PTPRD: variants seen among roughly 807,000 people sequenced by gnomAD.
PTPRD encodes the protein receptor-type tyrosine-protein phosphatase delta.
Under a neutral mutation model 214.5 loss-of-function variants are expected in PTPRD, and 34 were observed. The observed-to-expected ratio is 0.16, with a 90% CI of 0.12 to 0.21. The LOEUF (loss-of-function observed/expected upper bound fraction) is 0.21, where lower values mean the gene tolerates loss of function less well. PTPRD is among the 10% of genes least tolerant of loss of function. The probability of loss-of-function intolerance (pLI) is 1.00; values close to 1 mark genes in which losing one functional copy is unlikely to be tolerated. For missense variants in PTPRD, 2,545 were observed against 2,398.7 expected (o/e 1.06, Z -1.27); for synonymous variants, 1,128 against 845.7 (o/e 1.33, Z -5.79).
chr9:10,572,392 G>C (rs2067739038), intron 2 of PTPRD, among the ~76,000 whole-genome samples: 1 of 152,150 alleles, frequency 6.6e-6, no homozygotes, highest in Non-Finnish European at 1.5e-5. Context: ...GTATTGTTAA[G>C]TCATTGACCA....
intron 11 of PTPRD, among the ~76,000 whole-genome samples, chr9:8,972,730 T>A (rs2099246028): frequency 6.6e-6 from 1 of 152,016 alleles, no homozygotes; most frequent in South Asian, 2.1e-4. Flanking sequence ...TTCCTAGTGA[T>A]GCTTATAACC....
chr9:9,968,364 CAT>C (rs1382951589), intron 4 of PTPRD, among the ~76,000 whole-genome samples: 2 of 152,126 alleles, frequency 1.3e-5, no homozygotes, highest in Non-Finnish European at 2.9e-5. Flanking sequence ...TATTAAGAAA[CAT>C]ATTTTAAGAT....
intron 9 of PTPRD, among the ~76,000 whole-genome samples, chr9:9,239,366 T>C (rs1457153716): frequency 3.3e-5 from 5 of 152,168 alleles, no homozygotes; most frequent in Admixed American, 3.3e-4. Flanking sequence ...TCAAATATAA[T>C]ACAAACATTT....
chr9:10,268,898 A>T (rs1310359501), intron 3 of PTPRD, among the ~76,000 whole-genome samples: 1 of 152,178 alleles, frequency 6.6e-6, no homozygotes, highest in South Asian at 2.1e-4. Context: ...TCTCAGCAAC[A>T]TTGGCATTAT....
chr9:9,224,554 G>C (rs972799946), intron 9 of PTPRD, among the ~76,000 whole-genome samples: 6 of 151,890 alleles, frequency 4.0e-5, no homozygotes, highest in Non-Finnish European at 8.8e-5. Flanking sequence ...ATAGTCTACA[G>C]TGAAAATTGG....
chr9:9,433,988 T>G (rs1729644307), intron 8 of PTPRD, among the ~76,000 whole-genome samples: 1 of 152,116 alleles, frequency 6.6e-6, no homozygotes, highest in African/African-American at 2.4e-5. Flanking sequence ...GAAAAATCAT[T>G]AAAATAATTT....
chr9:8,788,625 A>C (rs560195571), intron 11 of PTPRD, among the ~76,000 whole-genome samples: 2 of 152,290 alleles, frequency 1.3e-5, no homozygotes, highest in African/African-American at 4.8e-5. Flanking sequence ...AAAATCAGCA[A>C]AGGAAAAGTT....
chr9:9,254,047 C>T (rs1396461038), intron 9 of PTPRD, among the ~76,000 whole-genome samples: 1 of 152,064 alleles, frequency 6.6e-6, no homozygotes, highest in Non-Finnish European at 1.5e-5. Context: ...ATAAGGATAC[C>T]TATCATTGGA....
chr9:8,803,968 C>A (rs1024870312), intron 11 of PTPRD, among the ~76,000 whole-genome samples: 18 of 151,770 alleles, frequency 1.2e-4, no homozygotes, highest in Admixed American at 1.1e-3. Flanking sequence ...CTCCACCCCC[C>A]CACAGACGGA....
At chr9:10,383,756 A>G (rs555885284) in intron 2 of PTPRD, among the ~76,000 whole-genome samples, 2 of 151,936 alleles carry the variant, frequency 1.3e-5, no homozygotes, top group Admixed American at 6.6e-5. Flanking sequence ...ATAGACTTCA[A>G]AAGAAACACA....
chr9:9,691,447 T>C (rs757775860), intron 7 of PTPRD, among the ~76,000 whole-genome samples: 5 of 152,070 alleles, frequency 3.3e-5, no homozygotes, highest in Non-Finnish European at 5.9e-5. Context: ...CTATCCATGT[T>C]GTTGCAAATG....
At chr9:9,008,849 A>C (rs1469743698) in intron 11 of PTPRD, among the ~76,000 whole-genome samples, 1 of 152,108 alleles carries the variant, frequency 6.6e-6, no homozygotes, top group Non-Finnish European at 1.5e-5. Flanking sequence ...CCTCTCTTTA[A>C]CCATAATATT....
At chr9:10,284,175 G>A (rs1013553827) in intron 3 of PTPRD, among the ~76,000 whole-genome samples, 5 of 152,036 alleles carry the variant, frequency 3.3e-5, no homozygotes, top group Non-Finnish European at 5.9e-5. Context: ...ATGTACATGT[G>A]CACATATTTG....
At chr9:10,088,674 A>C (rs1431809612) in intron 3 of PTPRD, among the ~76,000 whole-genome samples, 1 of 151,786 alleles carries the variant, frequency 6.6e-6, no homozygotes, top group Non-Finnish European at 1.5e-5. Flanking sequence ...AAAACTAATC[A>C]GTCTCTCTTT....
rs1595983692 is a variant in PTPRD at position 9,337,182 on chromosome 9, G to A, written c.-203+60267C>T. 2.0e-5 allele frequency among the ~76,000 whole-genome samples: 3 copies of A among 152,196 alleles called. No individual in the cohort carries two copies. In the East Asian group the frequency reaches 5.8e-4, roughly 29 times the overall value. ...AACTATGAAGTAAATCAGAGATTGG[G>A]ACAGAAATAAGTGATGCCACCATTA... On this transcript the variant is annotated intron_variant, in intron 9 of 45. Coordinates refer to ENST00000381196, the MANE Select transcript of PTPRD (RefSeq NM_002839.4).
At chr9:9,138,264 T>C (rs956420339) in intron 10 of PTPRD, among the ~76,000 whole-genome samples, 9 of 152,174 alleles carry the variant, frequency 5.9e-5, no homozygotes, top group African/African-American at 2.2e-4. Context: ...AGCTTTATCA[T>C]CTCCTAAATA....
At chr9:8,373,846 A>ATGTATG (rs576820766) in intron 39 of PTPRD, among the ~76,000 whole-genome samples, 1 of 113,288 alleles carries the variant, frequency 8.8e-6, no homozygotes, top group Non-Finnish European at 1.7e-5. Flanking sequence ...GTATGTATGT[A>ATGTATG]TGTGTATGTG....
At chr9:8,657,984 G>A (rs769440052) in intron 12 of PTPRD, among the ~76,000 whole-genome samples, 7 of 151,864 alleles carry the variant, frequency 4.6e-5, no homozygotes, top group Non-Finnish European at 7.4e-5. Context: ...ATTTGGGCTT[G>A]GCCAAAAATC....
intron 7 of PTPRD, among the ~76,000 whole-genome samples, chr9:9,683,634 A>C (rs891101539): frequency 6.6e-6 from 1 of 151,750 alleles, no homozygotes; most frequent in Admixed American, 6.6e-5. Flanking sequence ...ACTCTGAAGT[A>C]ATAAGATTTA....
Sources: gnomAD v4.1 joint callset for allele counts (sites outside exome capture counted in the v4.1 genomes callset) on GRCh38, gnomAD v4.1.1 for gene constraint, MANE v1.5 for transcripts, NCBI Gene and HGNC (gene_info 2026-07-23, HGNC 2026-07-21) for gene names.